The following FETUB variants were observed in gnomAD, a reference collection of about 807,000 sequenced individuals.
The protein encoded by FETUB is fetuin-B.
Under a neutral mutation model 30.9 loss-of-function variants are expected in FETUB, and 28 were observed. That is an observed-to-expected ratio of 0.90 (90% CI 0.67 to 1.24). The LOEUF is 1.24. Ranked by LOEUF, FETUB falls within the 50% of genes most tolerant of loss-of-function variation. The pLI is 0.00. For missense variants in FETUB, 469 were observed against 455.3 expected, an observed-to-expected ratio of 1.03 and a Z score of -0.27; for synonymous variants, 186 against 175.9, an observed-to-expected ratio of 1.06 and a Z score of -0.45.
At chr3:186,650,873 T>A (rs559804950) in intron 5 of FETUB, among the ~76,000 whole-genome samples, 2 of 152,340 alleles carry the variant, frequency 1.3e-5, no homozygotes, top group Non-Finnish European at 2.9e-5. Flanking sequence ...AGGGCTGCTA[T>A]ATAAAAGATG....
intron 3 of FETUB, among the ~76,000 whole-genome samples, chr3:186,643,806 T>G (rs1327127968): frequency 6.6e-6 from 1 of 152,196 alleles, no homozygotes; most frequent in Non-Finnish European, 1.5e-5. Flanking sequence ...GTGTTTGCTC[T>G]GCAAAAGCAG....
chr3:186,645,972 G>A (rs934239937), intron 4 of FETUB, among the ~76,000 whole-genome samples: 5 of 152,180 alleles, frequency 3.3e-5, no homozygotes, highest in East Asian at 1.9e-4. Context: ...TGATCCGCCC[G>A]CCTCGGCCTC....
At chr3:186,640,956 G>A in intron 1 of FETUB, 74 bp from the exon 2 acceptor site, 1 of 935,402 alleles carries the variant, frequency 1.1e-6, no homozygotes, top group Non-Finnish European at 1.7e-6. Context: ...CATAAAGCAG[G>A]GGTTTTTTTG....
At chr3:186,643,426 C>T (rs1172783893) in intron 3 of FETUB, among the ~76,000 whole-genome samples, 2 of 152,148 alleles carry the variant, frequency 1.3e-5, no homozygotes, top group African/African-American at 2.4e-5. Context: ...ACGTGCGTGT[C>T]GCTCCCCTGG....
At chr3:186,644,149 A>G (rs1717299347) in intron 3 of FETUB, among the ~76,000 whole-genome samples, 1 of 152,090 alleles carries the variant, frequency 6.6e-6, no homozygotes. Flanking sequence ...CCTTCTAGCT[A>G]TTTGAAATTT....
chr3:186,651,144 A>C (rs1717997475), intron 5 of FETUB, 74 bp from the exon 6 acceptor site: 1 of 969,348 alleles, frequency 1.0e-6, no homozygotes. Flanking sequence ...GTGTATCTAC[A>C]CAAGTAGAAA....
rs1717114684 is a variant in FETUB, at chr3:186,642,189, T to C, written c.337-282T>C. 7 of 340,322 alleles carry C rather than the reference T, an allele frequency of 2.1e-5. No individual in the cohort carries two copies. The South Asian group carries it at 2.5e-4, about 12-fold the overall frequency. 21.1% of individuals were successfully genotyped at this position (340,322 alleles called of 1,614,324 possible). On this transcript the variant is annotated intron_variant, in intron 2 of 6. Coordinates refer to ENST00000265029, the MANE Select transcript of FETUB (RefSeq NM_014375.3). ...ACGTGGGAGACCCTTATGAGCCAGATCTGGAAATGGTTACACCTCACTTCT... is the reference window on the plus strand; with the variant it reads ...ACGTGGGAGACCCTTATGAGCCAGACCTGGAAATGGTTACACCTCACTTCT...
At chr3:186,638,775 G>A (rs1311933470), upstream of FETUB, among the ~76,000 whole-genome samples, 1 of 152,118 alleles carries the variant, frequency 6.6e-6, no homozygotes, top group Admixed American at 6.5e-5. Context: ...TGCATCCTCA[G>A]GCCCCAGATC....
At position 186,642,478 on chromosome 3, in the gene FETUB, G is replaced by C; in HGVS notation, c.344G>C (p.Gly115Ala). The C allele has an allele frequency of 6.3e-7, 1 of 1,595,776 alleles. No homozygotes were observed. The highest frequency in any genetic ancestry group is 8.6e-7 in the Non-Finnish European group (1 of 1,164,670). ...TGCATTTGTTGGTTTCAGGTTTATG[G>C]TCAATGCAAAGCAATATTTTATATG... is the stretch of plus-strand genomic sequence containing the variant. Reference protein sequence around the residue: ...GMRIFFESVYGQCKAIFYMNN... With the variant: ...GMRIFFESVYAQCKAIFYMNN... The change falls in exon 3 of 7, where the codon GGT (glycine) becomes GCT (alanine). Residue 115 changes from glycine to alanine, a missense_variant. Transcript: ENST00000265029.
chr3:186,649,530 C>T (rs903452223), intron 5 of FETUB, among the ~76,000 whole-genome samples: 3 of 151,964 alleles, frequency 2.0e-5, no homozygotes, highest in African/African-American at 7.3e-5. Context: ...AGTACAGTGG[C>T]GCAATCTCAG....
intron 5 of FETUB, among the ~76,000 whole-genome samples, chr3:186,648,824 G>A (rs9828252): frequency 0.28 from 43,065 of 152,088 alleles, 6,268 homozygotes; most frequent in East Asian, 0.41. Flanking sequence ...GTAGAAAGAC[G>A]ATTGATTTTT....
chr3:186,641,209 G>A, intron 2 of FETUB, 69 bp downstream of exon 2: 1 of 901,842 alleles, frequency 1.1e-6, no homozygotes, highest in Non-Finnish European at 1.8e-6. Flanking sequence ...TTTCTACAGG[G>A]TCAAGGGTGC....
At chr3:186,645,317 A>T (rs916871313) in intron 4 of FETUB, among the ~76,000 whole-genome samples, 5 of 152,210 alleles carry the variant, frequency 3.3e-5, no homozygotes, top group African/African-American at 1.2e-4. Context: ...ATTAGGGAAA[A>T]TGAAGGCTCA....
At chr3:186,639,986 T>C (rs950608239), upstream of FETUB, among the ~76,000 whole-genome samples, 2 of 152,184 alleles carry the variant, frequency 1.3e-5, no homozygotes, top group African/African-American at 4.8e-5. Context: ...CTCCCTGATC[T>C]AACAAGGGCT....
intron 5 of FETUB, 144 bp downstream of exon 5, chr3:186,646,493 A>G: frequency 1.5e-6 from 1 of 646,312 alleles, no homozygotes; most frequent in Non-Finnish European, 2.7e-6. Flanking sequence ...TAGAGATTAG[A>G]CAGATCCAGA....
At position 186,646,302 on chromosome 3, in the gene FETUB, A is replaced by G. The variant is rs371042019; in HGVS notation, c.649A>G (p.Thr217Ala). 4.2e-5 allele frequency: 68 copies of G among 1,613,992 alleles called. No homozygotes were observed. Among genetic ancestry groups the G allele is most frequent in the Non-Finnish European group, 5.1e-5 (60 of 1,179,964 alleles). The change falls in exon 5 of 7, where the codon ACT becomes GCT. Residue 217 changes from threonine to alanine, a missense_variant. Thr to Ala is a moderately conservative substitution (Grantham distance 58). Coordinates refer to ENST00000265029, the MANE Select transcript of FETUB (RefSeq NM_014375.3). ...VEYLIKESPC[T>A]KSQASSCSLQ... is the part of the protein sequence containing the mutation. Reference sequence around the variant, plus strand: ...ATACTTAATTAAAGAATCACCATGTACTAAATCCCAGGCCAGCAGCTGTTC... The same window carrying G: ...ATACTTAATTAAAGAATCACCATGTGCTAAATCCCAGGCCAGCAGCTGTTC...
At chr3:186,636,259 C>A (rs942129644), upstream of FETUB, 4 of 152,226 alleles carry the variant, frequency 2.6e-5, no homozygotes, top group Non-Finnish European at 5.9e-5. Context: ...GAAGATCCTA[C>A]CTGCCCCCTT....
chr3:186,644,849 C>T lies in FETUB; in HGVS notation c.523C>T (p.Leu175Phe). The T allele has an allele frequency of 4.3e-6, 7 of 1,614,028 alleles. No individual in the cohort carries two copies. Among genetic ancestry groups the T allele is most frequent in the Non-Finnish European group, 5.1e-6 (6 of 1,180,012 alleles). The part of the protein sequence containing the change: ...HQVLEAATES[L>F]AKYNNENTSK... ...AGTGCTGGAGGCTGCCACCGAGTCT[C>T]TTGCGAAATACAACAATGAGAACAC... is the stretch of plus-strand genomic sequence containing the variant. Residue 175 changes from leucine (L) to phenylalanine (F), a missense_variant, in exon 4 of 7, where the codon CTT (leucine) becomes TTT (phenylalanine). By Grantham distance (22) the Leu-to-Phe change is conservative. Coordinates refer to ENST00000265029, the MANE Select transcript of FETUB (RefSeq NM_014375.3).
upstream of FETUB, among the ~76,000 whole-genome samples, chr3:186,638,866 C>T (rs1403908425): frequency 1.3e-5 from 2 of 152,128 alleles, no homozygotes; most frequent in African/African-American, 4.8e-5. Flanking sequence ...CTTTGTTGTG[C>T]CCCAGAATCT....
Sources: gnomAD v4.1 joint callset for allele counts (sites outside exome capture counted in the v4.1 genomes callset) on GRCh38, gnomAD v4.1.1 for gene constraint, MANE v1.5 for transcripts, NCBI Gene and HGNC (gene_info 2026-07-23, HGNC 2026-07-21) for gene names.